Variants in HDAC10 observed in about 807,000 individuals in gnomAD.
The protein encoded by HDAC10 is polyamine deacetylase HDAC10.
Under a neutral mutation model 82.3 loss-of-function variants are expected in HDAC10, and 90 were observed. That is an observed-to-expected ratio of 1.09 (90% CI 0.92 to 1.30). The LOEUF (loss-of-function observed/expected upper bound fraction) is 1.30. Ranked by LOEUF, HDAC10 falls within the 50% of genes most tolerant of loss-of-function variation. The pLI is 0.00. For synonymous variants in HDAC10, 456 were observed against 391.7 expected (o/e 1.16, Z -1.94); for missense variants, 934 against 876.3 (o/e 1.07, Z -0.83).
In HDAC10 at chr22:50,248,385, G is replaced by A; in HGVS notation, c.994C>T (p.Pro332Ser). Residue 332 changes from proline (P) to serine (S), a missense_variant, in exon 11 of 20, where the codon CCA becomes TCA. Transcript: ENST00000216271. This position sits in a 1 kb window ranked among gnomAD's most constrained non-coding sequence, Gnocchi z 5.4. ...LGDPAPPLSG[P>S]MAPCQSALES... ...TCGCACCTCTGACATGGCGCCATTGGCCCTGACAGGGGTGGGGCCGGGTCA... is the reference window on the plus strand; with the variant it reads ...TCGCACCTCTGACATGGCGCCATTGACCCTGACAGGGGTGGGGCCGGGTCA... 6.2e-7 allele frequency: 1 copy of A among 1,610,156 alleles called. No individual in the cohort carries two copies. The highest frequency in any genetic ancestry group is 8.5e-7 in the Non-Finnish European group (1 of 1,179,910).
rs988708854 is a variant in HDAC10 at position 50,249,216 on chromosome 22, G to A, written c.691-48C>T. 6 of 1,007,510 alleles carry A rather than the reference G, an allele frequency of 6.0e-6. No homozygotes were observed. The highest frequency in any genetic ancestry group is 2.3e-5 in the Admixed American group (1 of 42,810). 62.4% of individuals were successfully genotyped at this position (1,007,510 alleles called of 1,614,324 possible). ...ATCCTGAACTGTGGGGCAGGGGAGGGGCCCGGGGGAGGGGGTGGGTGGGGA... is the reference window on the plus strand; with the variant it reads ...ATCCTGAACTGTGGGGCAGGGGAGGAGCCCGGGGGAGGGGGTGGGTGGGGA... On this transcript the variant is annotated intron_variant, in intron 7 of 19. Transcript: ENST00000216271. This position sits in a 1 kb window ranked among gnomAD's most constrained non-coding sequence, Gnocchi z 4.4.
chr22:50,247,273 C>A (rs560822722), intron 14 of HDAC10: 2 of 339,414 alleles, frequency 5.9e-6, no homozygotes, highest in Non-Finnish European at 1.1e-5. Flanking sequence ...TAAGTAACTA[C>A]AGGCACACAC....
In HDAC10 at chr22:50,245,432, G is replaced by T. The variant is rs976627403; in HGVS notation, c.*75C>A. 2 of 724,484 alleles carry T rather than the reference G, an allele frequency of 2.8e-6. No homozygotes were observed. Among genetic ancestry groups the T allele is most frequent in the Admixed American group, 3.9e-5 (2 of 50,654 alleles). 44.9% of individuals were successfully genotyped at this position (724,484 alleles called of 1,614,324 possible). A position where few individuals can be genotyped will look rare whatever the true frequency, so the allele number is the denominator to read the frequency against. ...AGAGTCGAGGGAGCCGTGGGCTTGGGGTCCGGATCGCGGCCGCGGGGCGCT... is the reference window on the plus strand; with the variant it reads ...AGAGTCGAGGGAGCCGTGGGCTTGGTGTCCGGATCGCGGCCGCGGGGCGCT... On this transcript the variant is annotated 3_prime_UTR_variant, in exon 20 of 20. Coordinates refer to ENST00000216271, the MANE Select transcript of HDAC10 (RefSeq NM_032019.6).
chr22:50,248,064 C>T lies in HDAC10; in HGVS notation c.1163G>A (p.Cys388Tyr). The T allele has an allele frequency of 6.2e-7, 1 of 1,606,260 alleles. No individual in the cohort carries two copies. Among genetic ancestry groups the T allele is most frequent in the Non-Finnish European group, 8.5e-7 (1 of 1,175,610 alleles). ...GCTCGGTGCAGATGCAGCTGCCTTA[C>T]ACACTGGACCCCCAGGCAGCAGAGG... ...PPPLLPGGPV[C>Y]KAAASAPSSL... Residue 388 changes from cysteine (C) to tyrosine (Y), a missense_variant, in exon 13 of 20, where the codon TGT becomes TAT. Cys to Tyr is a radical substitution (Grantham distance 194, BLOSUM62 -2). Coordinates refer to ENST00000216271, the MANE Select transcript of HDAC10 (RefSeq NM_032019.6). This position sits in a 1 kb window ranked among gnomAD's most constrained non-coding sequence, Gnocchi z 5.4.
rs1249092839 is a variant in HDAC10 at position 50,250,442 on chromosome 22, G to A, written c.276C>T (p.Ala92=). ...ELQALSGQFD[A]IYFHPSTFHC... ...GGACACGCACCGGGTGGAAGTAGAT[G>A]GCGTCGAACTGTCCGGACAGCGCCT... The change falls in exon 3 of 20, where the codon GCC becomes GCT. Residue 92 remains alanine (A), a synonymous_variant. Coordinates refer to ENST00000216271, the MANE Select transcript of HDAC10 (RefSeq NM_032019.6). 13 of 1,612,960 alleles carry A rather than the reference G, an allele frequency of 8.1e-6. No homozygotes were observed. The highest frequency in any genetic ancestry group is 2.2e-5 in the East Asian group (1 of 44,886).
chr22:50,251,057 T>C lies in HDAC10; in HGVS notation c.-25A>G. Reference sequence around the variant, plus strand: ...TGGCTGCGCCGTGGTCACCCTGGGTTCCCAAACGCCCTCGCTAGTGGTGCC... The same window carrying C: ...TGGCTGCGCCGTGGTCACCCTGGGTCCCCAAACGCCCTCGCTAGTGGTGCC... On this transcript the variant is annotated 5_prime_UTR_variant, in exon 1 of 20. Coordinates refer to ENST00000216271, the MANE Select transcript of HDAC10 (RefSeq NM_032019.6). The C allele has an allele frequency of 6.2e-7, 1 of 1,602,944 alleles. No individual in the cohort carries two copies. Among genetic ancestry groups the C allele is most frequent in the South Asian group, 1.1e-5 (1 of 90,220 alleles).
chr22:50,251,196 G>A lies in HDAC10; in HGVS notation c.-164C>T, dbSNP rs2065083599. On this transcript the variant is annotated 5_prime_UTR_variant, in exon 1 of 20. Coordinates refer to ENST00000216271, the MANE Select transcript of HDAC10 (RefSeq NM_032019.6). ...GCGGGAGCGCACAGAACCTAGGCAG[G>A]CTCCGGGATCCCAGGCGCGCAGAAG... 1 of 644,790 alleles carries A rather than the reference G, an allele frequency of 1.6e-6. No individual in the cohort carries two copies. 39.9% of individuals were successfully genotyped at this position (644,790 alleles called of 1,614,324 possible).
At chr22:50,246,808 G>C in intron 15 of HDAC10, 67 bp downstream of exon 15, 1 of 1,599,076 alleles carries the variant, frequency 6.3e-7, no homozygotes, top group Non-Finnish European at 8.6e-7. Flanking sequence ...TCTGTGCTTG[G>C]CCAGCCAGGA....
intron 16 of HDAC10, 47 bp from the exon 17 acceptor site, chr22:50,246,423 G>C (rs77096954): frequency 0.016 from 24,700 of 1,502,098 alleles, 681 homozygotes; most frequent in East Asian, 0.13. Context: ...TCACCCTCCT[G>C]AGCCCAAACC....
rs753782136 is a variant in HDAC10, at chr22:50,246,344, T to C, written c.1604A>G (p.Glu535Gly). 7 of 1,612,920 alleles carry C rather than the reference T, an allele frequency of 4.3e-6. No homozygotes were observed. In the Admixed American group the frequency reaches 1.0e-4, roughly 23 times the overall value. Residue 535 changes from glutamate (E) to glycine (G), a missense_variant, in exon 17 of 20, where the codon GAG becomes GGG. Coordinates refer to ENST00000216271, the MANE Select transcript of HDAC10 (RefSeq NM_032019.6). Reference sequence around the variant, plus strand: ...ATGGAACATGGATAGGGCAGCCGCCTCCTTGCCCCTGATGTTCAGCCACAG... The same window carrying C: ...ATGGAACATGGATAGGGCAGCCGCCCCCTTGCCCCTGATGTTCAGCCACAG... ...RSLWLNIRGK[E>G]AAALSMFHVS... is the part of the protein sequence containing the mutation.
At position 50,245,418 on chromosome 22, in the gene HDAC10, A is replaced by C; in HGVS notation, c.*89T>G. On this transcript the variant is annotated 3_prime_UTR_variant, in exon 20 of 20. Coordinates refer to ENST00000216271, the MANE Select transcript of HDAC10 (RefSeq NM_032019.6). ...GGGTTCCGTGCCCCAGAGTCGAGGG[A>C]GCCGTGGGCTTGGGGTCCGGATCGC... 8 of 712,520 alleles carry C rather than the reference A, an allele frequency of 1.1e-5. No individual in the cohort carries two copies. The highest frequency in any genetic ancestry group is 7.3e-4 in the Middle Eastern group (2 of 2,738). The allele number at this position is 712,520 out of a possible 1,614,324, so 44.1% of individuals were successfully genotyped here. A position where few individuals can be genotyped will look rare whatever the true frequency, so the allele number is the denominator to read the frequency against.
In HDAC10 at chr22:50,245,241, G is replaced by C; in HGVS notation, c.*266C>G. On this transcript the variant is annotated 3_prime_UTR_variant, in exon 20 of 20. Coordinates refer to ENST00000216271, the MANE Select transcript of HDAC10 (RefSeq NM_032019.6). ...GGCGGGGAGCGAAGCGCAGCGGGGC[G>C]CAGGGGCCGGAACGGGACCGAGCGT... 1.7e-6 allele frequency: 1 copy of C among 574,414 alleles called. No homozygotes were observed. The highest frequency in any genetic ancestry group is 2.0e-5 in the South Asian group (1 of 48,840). The allele number at this position is 574,414 out of a possible 1,614,324, so 35.6% of individuals were successfully genotyped here.
In HDAC10 at chr22:50,248,834, A is replaced by G. The variant is rs755537210; in HGVS notation, c.813T>C (p.Pro271=). The G allele has an allele frequency of 3.1e-6, 5 of 1,610,672 alleles. No individual in the cohort carries two copies. The highest frequency in any genetic ancestry group is 4.2e-6 in the Non-Finnish European group (5 of 1,179,080). Residue 271 remains proline, a synonymous_variant, in exon 9 of 20, where the codon CCT becomes CCC. Coordinates refer to ENST00000216271, the MANE Select transcript of HDAC10 (RefSeq NM_032019.6). The surrounding 1 kb of genome is among the most constrained non-coding windows in gnomAD (Gnocchi z 5.4). The stretch of plus-strand genomic sequence containing the variant: ...CCTGGCAAGGCAAGGCCCTCACCTC[A>G]GGGTCCCCGATGGCTGAGTCAAATC... ...SAGFDSAIGD[P]EGQMQATPEC... is the part of the protein sequence containing the mutation.
Position 50,246,941 on chromosome 22 carries a change from G to C in HDAC10, c.1448C>G (p.Pro483Arg), listed in dbSNP as rs146379292. The change falls in exon 15 of 20, where the codon CCA (proline) becomes CGA (arginine). Residue 483 changes from proline to arginine, a missense_variant. By Grantham distance (103) the Pro-to-Arg change is moderately radical. Coordinates refer to ENST00000216271, the MANE Select transcript of HDAC10 (RefSeq NM_032019.6). Reference sequence around the variant, plus strand: ...CAGGGTGGCTGCTGCAGCAGAGGCTGGAGTGGCTGCTATACCACTGTTCAC... The same window carrying C: ...CAGGGTGGCTGCTGCAGCAGAGGCTCGAGTGGCTGCTATACCACTGTTCAC... ...GQVNSGIAATPASAAAATLDV... is the reference protein window; with the variant it reads ...GQVNSGIAATRASAAAATLDV... The C allele has an allele frequency of 1.9e-6, 3 of 1,610,596 alleles. No homozygotes were observed. The African/African-American group carries it at 4.0e-5, about 22-fold the overall frequency.
intron 1 of HDAC10, 21 bp downstream of exon 1, chr22:50,250,953 C>A (rs1306854222): frequency 6.2e-7 from 1 of 1,611,450 alleles, no homozygotes; most frequent in Admixed American, 1.7e-5. Context: ...CCGCACCCCA[C>A]CTCGGCCAGG....
rs935913971 is a variant in HDAC10 at position 50,249,003 on chromosome 22, T to A, written c.756+100A>T. On this transcript the variant is annotated intron_variant, in intron 8 of 19. Coordinates refer to ENST00000216271, the MANE Select transcript of HDAC10 (RefSeq NM_032019.6). This position sits in a 1 kb window ranked among gnomAD's most constrained non-coding sequence, Gnocchi z 4.4. ...AGCACCTTCCCCAGCCACACAGGAG[T>A]GGGACAGCTCATAACCCTCCTCCTG... The A allele has an allele frequency of 2.1e-6, 3 of 1,437,902 alleles. No homozygotes were observed. The highest frequency in any genetic ancestry group is 1.9e-6 in the Non-Finnish European group (2 of 1,042,004). The allele number at this position is 1,437,902 out of a possible 1,614,324, so 89.1% of individuals were successfully genotyped here. A position where few individuals can be genotyped will look rare whatever the true frequency, so the allele number is the denominator to read the frequency against.
rs2065041577 is a variant in HDAC10, at chr22:50,249,781, G to C, written c.495-78C>G. ...GCCCGGCCAGGGATGGGAAGGTGCT[G>C]GCTGGGTTCTCTCGCCTCCTGCGCT... On this transcript the variant is annotated intron_variant, in intron 5 of 19. Transcript: ENST00000216271. The surrounding 1 kb of genome is among the most constrained non-coding windows in gnomAD (Gnocchi z 4.4). 1.2e-6 allele frequency: 2 copies of C among 1,605,250 alleles called. No individual in the cohort carries two copies. Among genetic ancestry groups the C allele is most frequent in the Non-Finnish European group, 1.7e-6 (2 of 1,174,680 alleles).
In HDAC10 at chr22:50,249,140, G is replaced by GC. The variant is rs2065024528; in HGVS notation, c.718dup (p.Ala240GlyfsTer13). ...TGGGAGCAGCAGGTGCAGGAAGGCA[G>GC]CCACGTAGTCAGCGTTTCCCATCCC... On this transcript the variant is annotated frameshift_variant, in exon 8 of 20. Transcript: ENST00000216271. LOFTEE classifies it high-confidence loss of function. This position sits in a 1 kb window ranked among gnomAD's most constrained non-coding sequence, Gnocchi z 4.4. 1 of 1,576,476 alleles carries GC rather than the reference G, an allele frequency of 6.3e-7. No individual in the cohort carries two copies.
Position 50,249,254 on chromosome 22 carries a change from G to A in HDAC10, c.690+74C>T, listed in dbSNP as rs1365389891. Reference sequence around the variant, plus strand: ...GGGTGGGTGGGGACCTGGGGCTTGAGGGTGAACTGTGGGGGAGGGGAGGGG... The same window carrying A: ...GGGTGGGTGGGGACCTGGGGCTTGAAGGTGAACTGTGGGGGAGGGGAGGGG... On this transcript the variant is annotated intron_variant, in intron 7 of 19. Coordinates refer to ENST00000216271, the MANE Select transcript of HDAC10 (RefSeq NM_032019.6). The surrounding 1 kb of genome is among the most constrained non-coding windows in gnomAD (Gnocchi z 4.4). 5.3e-5 allele frequency: 76 copies of A among 1,430,084 alleles called. No homozygotes were observed. Among genetic ancestry groups the A allele is most frequent in the Non-Finnish European group, 6.7e-5 (70 of 1,052,506 alleles). The allele number at this position is 1,430,084 out of a possible 1,614,324, so 88.6% of individuals were successfully genotyped here.
Sources: gnomAD v4.1 joint callset for allele counts on GRCh38, gnomAD v4.1.1 for gene constraint, Gnocchi (gnomAD v3.1) non-coding constraint, MANE v1.5 for transcripts, NCBI Gene and HGNC (gene_info 2026-07-23, HGNC 2026-07-21) for gene names.